PTPN4: variants seen among roughly 807,000 people sequenced by gnomAD.
The protein encoded by PTPN4 is protein tyrosine phosphatase non-receptor type 4.
A neutral mutation model predicts 135.5 loss-of-function variants in PTPN4; 49 were observed. The observed-to-expected ratio is 0.36, with a 90% CI of 0.29 to 0.46. The LOEUF is 0.46. Ranked by LOEUF, PTPN4 falls within the 20% of genes least tolerant of loss-of-function variation. The pLI is 1.00. For missense variants in PTPN4, 860 were observed against 1,101.0 expected (o/e 0.78, Z 3.10); for synonymous variants, 333 against 369.9 (o/e 0.90, Z 1.14).
chr2:119,800,195 G>T (rs983122969), intron 1 of PTPN4, among the ~76,000 whole-genome samples: 3 of 152,058 alleles, frequency 2.0e-5, no homozygotes, highest in African/African-American at 7.2e-5. Context: ...TAAGATATTT[G>T]AATTGTATGT....
intron 26 of PTPN4, among the ~76,000 whole-genome samples, chr2:119,968,618 C>T (rs1189074242): frequency 6.6e-6 from 1 of 152,048 alleles, no homozygotes; most frequent in Non-Finnish European, 1.5e-5. Context: ...AGTGAAACCC[C>T]GTCTCTACTA....
chr2:119,917,692 G>T (rs1678674619), intron 11 of PTPN4, among the ~76,000 whole-genome samples: 1 of 151,774 alleles, frequency 6.6e-6, no homozygotes. Context: ...TCGCACCACT[G>T]TACTCCAGCC....
intron 2 of PTPN4, among the ~76,000 whole-genome samples, chr2:119,833,626 T>C: frequency 6.6e-6 from 1 of 152,200 alleles, no homozygotes; most frequent in East Asian, 1.9e-4. Flanking sequence ...GTGAATCACC[T>C]TCAGTCGGAG....
At chr2:119,962,966 G>C (rs945177398) in intron 24 of PTPN4, among the ~76,000 whole-genome samples, 3 of 152,088 alleles carry the variant, frequency 2.0e-5, no homozygotes, top group Admixed American at 1.3e-4. Flanking sequence ...AAATATGAAT[G>C]GTCAGTGAAA....
intron 1 of PTPN4, among the ~76,000 whole-genome samples, chr2:119,786,361 A>G (rs1171882417): frequency 6.6e-6 from 1 of 152,228 alleles, no homozygotes; most frequent in Non-Finnish European, 1.5e-5. Flanking sequence ...CTGTGTAACC[A>G]TCCCAGAATG....
At chr2:119,943,580 CTTTTTTTT>C (rs70949374) in intron 15 of PTPN4, among the ~76,000 whole-genome samples, 3 of 79,918 alleles carry the variant, frequency 3.8e-5, no homozygotes, top group African/African-American at 1.0e-4. Context: ...TCATTTTTTT[CTTTTTTTT>C]TTTTTTTTTT....
chr2:119,960,006 A>G (rs941060700), intron 22 of PTPN4, among the ~76,000 whole-genome samples: 3 of 152,214 alleles, frequency 2.0e-5, no homozygotes, highest in Non-Finnish European at 2.9e-5. Flanking sequence ...TATATATAGT[A>G]TACTACCATT....
chr2:119,811,292 T>C (rs1031250953), intron 2 of PTPN4, among the ~76,000 whole-genome samples: 4 of 152,212 alleles, frequency 2.6e-5, no homozygotes, highest in African/African-American at 7.2e-5. Context: ...TGTATTACTA[T>C]ATAGCAGGAT....
intron 10 of PTPN4, among the ~76,000 whole-genome samples, chr2:119,907,154 A>G (rs957594468): frequency 6.6e-6 from 1 of 152,232 alleles, no homozygotes; most frequent in Non-Finnish European, 1.5e-5. Flanking sequence ...TGAAGAGAAC[A>G]GAAAAAAAGT....
At chr2:119,784,561 T>A (rs1275927027) in intron 1 of PTPN4, among the ~76,000 whole-genome samples, 1 of 151,734 alleles carries the variant, frequency 6.6e-6, no homozygotes, top group Non-Finnish European at 1.5e-5. Flanking sequence ...TAATTTTTTG[T>A]ATTTTTTAGT....
At chr2:119,917,739 A>G (rs1678675549) in intron 11 of PTPN4, among the ~76,000 whole-genome samples, 1 of 152,074 alleles carries the variant, frequency 6.6e-6, no homozygotes, top group Admixed American at 6.6e-5. Flanking sequence ...AAAAAAAACA[A>G]AAGAAAAAAG....
At chr2:119,900,187 T>C (rs1247734945) in intron 9 of PTPN4, among the ~76,000 whole-genome samples, 3 of 152,104 alleles carry the variant, frequency 2.0e-5, no homozygotes, top group African/African-American at 7.2e-5. Context: ...TCTTCTAAAC[T>C]CTCTAAGAAT....
chr2:119,948,265 G>A (rs1432327661), intron 18 of PTPN4, among the ~76,000 whole-genome samples: 2 of 152,112 alleles, frequency 1.3e-5, no homozygotes, highest in Non-Finnish European at 2.9e-5. Flanking sequence ...TAACAATAGA[G>A]AGATGTTAGA....
chr2:119,772,296 T>A (rs1028879748), intron 1 of PTPN4, among the ~76,000 whole-genome samples: 5 of 152,246 alleles, frequency 3.3e-5, no homozygotes, highest in African/African-American at 1.2e-4. Context: ...TCTGATACTG[T>A]GACTCATTTT....
chr2:119,824,537 G>A (rs747826431), intron 2 of PTPN4, among the ~76,000 whole-genome samples: 1 of 152,032 alleles, frequency 6.6e-6, no homozygotes, highest in South Asian at 2.1e-4. Flanking sequence ...TAGCATTGAA[G>A]TCTTCAAGTA....
At chr2:119,876,896 C>CTTGT (rs1558751874) in intron 3 of PTPN4, among the ~76,000 whole-genome samples, 1 of 96,534 alleles carries the variant, frequency 1.0e-5, no homozygotes, top group Admixed American at 1.1e-4. Context: ...AGCCCAAGAG[C>CTTGT]ATGTGTGTGT....
intron 2 of PTPN4, among the ~76,000 whole-genome samples, chr2:119,829,300 A>G (rs1172648855): frequency 6.6e-6 from 1 of 152,204 alleles, no homozygotes; most frequent in Non-Finnish European, 1.5e-5. Context: ...TTTATGTATC[A>G]CAGAATTAAT....
chr2:119,847,364 G>A (rs1473741102), intron 2 of PTPN4, among the ~76,000 whole-genome samples: 2 of 106,804 alleles, frequency 1.9e-5, no homozygotes, highest in Admixed American at 2.3e-4. Flanking sequence ...TTTTGCTCTT[G>A]TTGCCCAGGC....
chr2:119,949,094 A>G (rs979308592), intron 18 of PTPN4, among the ~76,000 whole-genome samples: 7 of 152,174 alleles, frequency 4.6e-5, no homozygotes, highest in Admixed American at 3.9e-4. Flanking sequence ...AGAATATTCT[A>G]TAGATATATT....
Sources: gnomAD v4.1 joint callset for allele counts (sites outside exome capture counted in the v4.1 genomes callset) on GRCh38, gnomAD v4.1.1 for gene constraint, MANE v1.5 for transcripts, NCBI Gene and HGNC (gene_info 2026-07-23, HGNC 2026-07-21) for gene names.